VEGFC: variants seen among roughly 807,000 people sequenced by gnomAD.
VEGFC encodes the protein FLT4 ligand DHM.
A neutral mutation model predicts 46.1 loss-of-function variants in VEGFC; 12 were observed. That is an observed-to-expected ratio of 0.26 (90% CI 0.17 to 0.42). VEGFC has a LOEUF of 0.42. Among genes scored for constraint, VEGFC ranks in the 10% least tolerant of loss-of-function variants. The pLI is 1.00. For missense variants in VEGFC, 488 were observed against 529.4 expected, an observed-to-expected ratio of 0.92 and a Z score of 0.77; for synonymous variants, 232 against 195.5, an observed-to-expected ratio of 1.19 and a Z score of -1.56.
intron 1 of VEGFC, among the ~76,000 whole-genome samples, chr4:176,766,386 G>C (rs1171268521): frequency 1.3e-5 from 2 of 152,060 alleles, no homozygotes. Flanking sequence ...AGGAGTTCAA[G>C]GCCAGTCTGG....
At chr4:176,715,728 CT>C (rs3836596) in intron 3 of VEGFC, among the ~76,000 whole-genome samples, 13,459 of 152,098 alleles carry the variant, frequency 0.088, 1,230 homozygotes, top group African/African-American at 0.21. Context: ...TTTCCGTAAG[CT>C]TTTTTTCCTA....
At chr4:176,782,341 G>A (rs981227358) in intron 1 of VEGFC, among the ~76,000 whole-genome samples, 3 of 152,070 alleles carry the variant, frequency 2.0e-5, no homozygotes, top group African/African-American at 7.2e-5. Flanking sequence ...GCACGTGCCT[G>A]TGATCCCAGC....
chr4:176,768,827 GC>G (rs1162526448), intron 1 of VEGFC, among the ~76,000 whole-genome samples: 1 of 151,772 alleles, frequency 6.6e-6, no homozygotes, highest in Non-Finnish European at 1.5e-5. Context: ...ACTCTACTCT[GC>G]CTTGCCTTTA....
At chr4:176,776,642 T>A (rs142767468) in intron 1 of VEGFC, among the ~76,000 whole-genome samples, 1 of 152,268 alleles carries the variant, frequency 6.6e-6, no homozygotes, top group Non-Finnish European at 1.5e-5. Flanking sequence ...GAGAGAAGAA[T>A]ATGGGTCAGA....
chr4:176,727,000 C>T lies in VEGFC; in HGVS notation c.552+778G>A, dbSNP rs543833344. ...GAGAAGTTTGCTTCAGTCCAGCCCA[C>T]GGGACTGGATTTCTCCAAACATTTC... On this transcript the variant is annotated intron_variant, in intron 3 of 6. Transcript: ENST00000618562. Among the ~76,000 whole-genome samples, 22 of 152,320 alleles carry T rather than the reference C, an allele frequency of 1.4e-4. No homozygotes were observed. In the South Asian group the frequency reaches 4.3e-3, roughly 30 times the overall value.
intron 1 of VEGFC, among the ~76,000 whole-genome samples, chr4:176,732,588 CA>C (rs1734985870): frequency 6.6e-6 from 1 of 151,648 alleles, no homozygotes; most frequent in Non-Finnish European, 1.5e-5. Context: ...ATTTCAAACC[CA>C]ATTTCTCCTT....
chr4:176,789,066 C>T (rs1736048337), intron 1 of VEGFC, among the ~76,000 whole-genome samples: 2 of 152,274 alleles, frequency 1.3e-5, no homozygotes, highest in South Asian at 4.1e-4. Context: ...AAGCACAGTC[C>T]CAGGGATTCG....
intron 3 of VEGFC, among the ~76,000 whole-genome samples, chr4:176,722,497 TTG>T (rs1491052298): frequency 2.0e-4 from 30 of 148,722 alleles, no homozygotes; most frequent in African/African-American, 7.2e-4. Flanking sequence ...TGTTTTTTTT[TTG>T]TTTTTTTTTT....
chr4:176,752,727 T>C (rs1211959386), intron 1 of VEGFC, among the ~76,000 whole-genome samples: 1 of 152,010 alleles, frequency 6.6e-6, no homozygotes, highest in Non-Finnish European at 1.5e-5. Flanking sequence ...ACATCACACA[T>C]AACTAAGAAA....
At chr4:176,780,214 T>C (rs2110942862) in intron 1 of VEGFC, among the ~76,000 whole-genome samples, 1 of 152,098 alleles carries the variant, frequency 6.6e-6, no homozygotes, top group East Asian at 1.9e-4. Flanking sequence ...ACCCAGTCTC[T>C]ACTAAATAAT....
chr4:176,728,447 G>A (rs1261259124), intron 2 of VEGFC, among the ~76,000 whole-genome samples: 2 of 152,146 alleles, frequency 1.3e-5, no homozygotes, highest in Non-Finnish European at 2.9e-5. Flanking sequence ...CAAGTCAAAC[G>A]TCCTTTTCAG....
In VEGFC at chr4:176,727,848, C is replaced by G; in HGVS notation, c.482G>C (p.Arg161Thr). ...CTCACTATTGCAGCAACCCCCACATCTGTAGACGGACACACATGGAGGTTT... is the reference window on the plus strand; with the variant it reads ...CTCACTATTGCAGCAACCCCCACATGTGTAGACGGACACACATGGAGGTTT... ...FFKPPCVSVY[R>T]CGGCCNSEGL... The change falls in exon 3 of 7, where the codon AGA becomes ACA. Residue 161 changes from arginine (R) to threonine (T), a missense_variant. By Grantham distance (71) the Arg-to-Thr change is moderately conservative (BLOSUM62 -1). Transcript: ENST00000618562. The G allele has an allele frequency of 6.2e-7, 1 of 1,613,974 alleles. No homozygotes were observed. The highest frequency in any genetic ancestry group is 8.5e-7 in the Non-Finnish European group (1 of 1,179,918).
intron 4 of VEGFC, among the ~76,000 whole-genome samples, chr4:176,692,916 C>G (rs1188066865): frequency 3.2e-4 from 48 of 147,890 alleles, no homozygotes; most frequent in Non-Finnish European, 4.9e-4. Context: ...AGCTGAGGGT[C>G]CTGTCTGTTA....
chr4:176,710,511 A>C (rs1005582966), intron 4 of VEGFC, among the ~76,000 whole-genome samples: 11 of 152,204 alleles, frequency 7.2e-5, no homozygotes, highest in Admixed American at 7.2e-4. Flanking sequence ...CCTATCTGCC[A>C]CACTAAGCAG....
intron 1 of VEGFC, among the ~76,000 whole-genome samples, chr4:176,737,416 T>A (rs1003862940): frequency 6.7e-6 from 1 of 149,554 alleles, no homozygotes; most frequent in African/African-American, 2.4e-5. Context: ...ATTTCTATGT[T>A]AAATTTGAGA....
chr4:176,738,175 T>C (rs531710843), intron 1 of VEGFC, among the ~76,000 whole-genome samples: 4 of 152,088 alleles, frequency 2.6e-5, no homozygotes, highest in South Asian at 4.1e-4. Flanking sequence ...CTACCATTGG[T>C]ATTCTTCACA....
chr4:176,702,848 G>A (rs1734458445), intron 4 of VEGFC, among the ~76,000 whole-genome samples: 1 of 151,954 alleles, frequency 6.6e-6, no homozygotes, highest in Admixed American at 6.6e-5. Flanking sequence ...AAAAACTTGT[G>A]TTTATTTAAT....
At chr4:176,781,737 CA>C (rs1735919950) in intron 1 of VEGFC, among the ~76,000 whole-genome samples, 2 of 152,268 alleles carry the variant, frequency 1.3e-5, no homozygotes, top group African/African-American at 4.8e-5. Context: ...TAATTGTAAA[CA>C]AAGACAAGGG....
intron 4 of VEGFC, among the ~76,000 whole-genome samples, chr4:176,690,516 G>T (rs377491410): frequency 6.6e-6 from 1 of 151,790 alleles, no homozygotes; most frequent in Non-Finnish European, 1.5e-5. Flanking sequence ...GGAATTCCAA[G>T]GGCAAGTCTC....
Sources: allele counts gnomAD v4.1 joint callset (sites outside exome capture counted in the v4.1 genomes callset), GRCh38; gene constraint gnomAD v4.1.1; transcripts MANE v1.5; gene names NCBI Gene and HGNC (gene_info 2026-07-23, HGNC 2026-07-21).